MYOCD: variants seen among roughly 807,000 people sequenced by gnomAD.
MYOCD encodes the protein myocardin.
In MYOCD, 32 loss-of-function variants were observed where a neutral mutation model predicts 96.1. That is an observed-to-expected ratio of 0.33 (90% CI 0.25 to 0.45). MYOCD has a LOEUF of 0.45. Among genes scored for constraint, MYOCD ranks in the 20% least tolerant of loss-of-function variants. MYOCD has a pLI of 1.00. For synonymous variants in MYOCD, 469 were observed against 469.0 expected (o/e 1.00, Z 0.00); for missense variants, 1,133 against 1,200.6 (o/e 0.94, Z 0.83).
intron 1 of MYOCD, among the ~76,000 whole-genome samples, chr17:12,699,188 A>T (rs1353610585): frequency 6.6e-6 from 1 of 151,768 alleles, no homozygotes; most frequent in Non-Finnish European, 1.5e-5. Flanking sequence ...GCAGTGGCCC[A>T]GTCTTGGCTC....
intron 2 of MYOCD, among the ~76,000 whole-genome samples, chr17:12,715,154 A>C (rs2031599841): frequency 6.6e-6 from 1 of 152,146 alleles, no homozygotes; most frequent in African/African-American, 2.4e-5. Flanking sequence ...GCAAAGTCAA[A>C]GAGGGTGGTA....
At position 12,717,439 on chromosome 17, in the gene MYOCD, C is replaced by G. The variant is rs2031682459; in HGVS notation, c.253+18C>G. On this transcript the variant is annotated intron_variant, in intron 4 of 13. Transcript: ENST00000425538. The stretch of plus-strand genomic sequence containing the variant: ...ACTCCAAGGTAAGGCTGCAAGAAAT[C>G]AGACACCAAGAGATGCTGCAGAATG... 1 of 1,599,088 alleles carries G rather than the reference C, an allele frequency of 6.3e-7. No homozygotes were observed. Among genetic ancestry groups the G allele is most frequent in the African/African-American group, 1.3e-5 (1 of 74,636 alleles).
At chr17:12,699,585 C>T (rs2030959657) in intron 1 of MYOCD, among the ~76,000 whole-genome samples, 1 of 152,158 alleles carries the variant, frequency 6.6e-6, no homozygotes, top group African/African-American at 2.4e-5. Context: ...TTCATATTTA[C>T]CAGGACAACA....
intron 5 of MYOCD, among the ~76,000 whole-genome samples, chr17:12,723,881 GT>G (rs2150691474): frequency 6.6e-6 from 1 of 152,276 alleles, no homozygotes; most frequent in Admixed American, 6.5e-5. Flanking sequence ...CCAAAACTAA[GT>G]TTATTATAAA....
chr17:12,766,903 C>G lies in MYOCD; in HGVS notation c.*3259C>G, dbSNP rs1269821604. On this transcript the variant is annotated 3_prime_UTR_variant, in exon 14 of 14. Coordinates refer to ENST00000425538, the MANE Select transcript of MYOCD (RefSeq NM_001146312.3). ...CCAGTGCTTATTAGTAGTGACCCTGCTTCTATCAACGTTATTGAGACAACA... is the reference window on the plus strand; with the variant it reads ...CCAGTGCTTATTAGTAGTGACCCTGGTTCTATCAACGTTATTGAGACAACA... 6.6e-6 allele frequency: 1 copy of G among 151,598 alleles called. No individual in the cohort carries two copies. The highest frequency in any genetic ancestry group is 1.5e-5 in the Non-Finnish European group (1 of 67,972). 9.4% of individuals were successfully genotyped at this position (151,598 alleles called of 1,614,324 possible).
chr17:12,719,105 G>A (rs2031736390), intron 4 of MYOCD, among the ~76,000 whole-genome samples: 2 of 148,392 alleles, frequency 1.3e-5, no homozygotes, highest in East Asian at 2.0e-4. Context: ...AACCTGGGAG[G>A]CGGAGGTTGC....
intron 1 of MYOCD, among the ~76,000 whole-genome samples, chr17:12,672,696 A>G (rs1482822540): frequency 6.6e-6 from 1 of 152,186 alleles, no homozygotes; most frequent in African/African-American, 2.4e-5. Flanking sequence ...TCTTATGAGT[A>G]CAATCCCTCT....
intron 5 of MYOCD, among the ~76,000 whole-genome samples, chr17:12,725,166 C>G (rs1004560249): frequency 6.6e-6 from 1 of 151,786 alleles, no homozygotes; most frequent in Admixed American, 6.6e-5. Flanking sequence ...TTAATAGTTC[C>G]AACAGTTTCT....
At chr17:12,721,831 G>T (rs1188032147) in intron 4 of MYOCD, among the ~76,000 whole-genome samples, 1 of 152,210 alleles carries the variant, frequency 6.6e-6, no homozygotes, top group Non-Finnish European at 1.5e-5. Flanking sequence ...ACTGTAAGGG[G>T]TGCTTTGGAG....
intron 5 of MYOCD, among the ~76,000 whole-genome samples, chr17:12,735,288 A>T (rs999277649): frequency 6.6e-6 from 1 of 152,196 alleles, no homozygotes; most frequent in Non-Finnish European, 1.5e-5. Context: ...TGGCTTCAGC[A>T]CATTGTGTAC....
At chr17:12,705,064 A>C (rs1275600552) in intron 1 of MYOCD, 64 bp from the exon 2 acceptor site, 2 of 1,008,132 alleles carry the variant, frequency 2.0e-6, no homozygotes, top group Non-Finnish European at 3.1e-6. Flanking sequence ...TGAATGTGTA[A>C]TGAAAATATA....
chr17:12,706,850 A>G (rs1433458113), intron 2 of MYOCD, among the ~76,000 whole-genome samples: 2 of 152,234 alleles, frequency 1.3e-5, no homozygotes, highest in South Asian at 2.1e-4. Flanking sequence ...GAAATTTTGC[A>G]TCATTAGTCC....
chr17:12,739,162 AT>A, intron 6 of MYOCD, 40 bp from the exon 7 acceptor site: 1 of 1,579,590 alleles, frequency 6.3e-7, no homozygotes, highest in South Asian at 1.2e-5. Flanking sequence ...CACACAACTT[AT>A]TCCTGTATCT....
rs1267117886 is a variant in MYOCD at position 12,768,781 on chromosome 17, G to A, written c.*5137G>A. 1.3e-5 allele frequency: 2 copies of A among 151,832 alleles called. No individual in the cohort carries two copies. Among genetic ancestry groups the A allele is most frequent in the Non-Finnish European group, 2.9e-5 (2 of 67,980 alleles). The allele number at this position is 151,832 out of a possible 1,614,324, so 9.4% of individuals were successfully genotyped here. Reference sequence around the variant, plus strand: ...TCTCTGTGGGACCTTGTGGAGTGGTGTTTTCACGTTGGTCTCTTTGGCTCA... The same window carrying A: ...TCTCTGTGGGACCTTGTGGAGTGGTATTTTCACGTTGGTCTCTTTGGCTCA... On this transcript the variant is annotated 3_prime_UTR_variant, in exon 14 of 14. Transcript: ENST00000425538.
intron 1 of MYOCD, among the ~76,000 whole-genome samples, chr17:12,696,407 T>G (rs1407408484): frequency 6.6e-6 from 1 of 152,214 alleles, no homozygotes; most frequent in African/African-American, 2.4e-5. Context: ...TTCATGTCCC[T>G]GCCTTCAATT....
chr17:12,704,556 CATA>C (rs1473663728), intron 1 of MYOCD, among the ~76,000 whole-genome samples: 1 of 152,192 alleles, frequency 6.6e-6, no homozygotes, highest in African/African-American at 2.4e-5. Flanking sequence ...TCCAGATTCT[CATA>C]ATACTACCAC....
intron 2 of MYOCD, chr17:12,705,441 G>T (rs2031254151): frequency 5.3e-6 from 2 of 378,812 alleles, no homozygotes; most frequent in South Asian, 8.0e-5. Flanking sequence ...TGTTCTCAGG[G>T]TAAACACAAT....
chr17:12,685,033 T>C (rs1597733281), intron 1 of MYOCD, among the ~76,000 whole-genome samples: 2 of 152,186 alleles, frequency 1.3e-5, no homozygotes, highest in East Asian at 3.9e-4. Flanking sequence ...TAGCGGCTCA[T>C]GCCTGTAATC....
intron 1 of MYOCD, 185 bp from the exon 2 acceptor site, chr17:12,704,943 T>A: frequency 1.7e-6 from 1 of 579,956 alleles, no homozygotes; most frequent in Non-Finnish European, 3.1e-6. Flanking sequence ...CTGCAAAACC[T>A]TGTAACCTTC....
Sources: allele counts gnomAD v4.1 joint callset (sites outside exome capture counted in the v4.1 genomes callset), GRCh38; gene constraint gnomAD v4.1.1; transcripts MANE v1.5; gene names NCBI Gene and HGNC (gene_info 2026-07-23, HGNC 2026-07-21).